Variants in IL7 observed in about 807,000 individuals in gnomAD.
The protein encoded by IL7 is interleukin-7.
A neutral mutation model predicts 21.6 loss-of-function variants in IL7; 3 were observed. The observed-to-expected ratio is 0.14, with a 90% CI of 0.06 to 0.36. IL7 has a LOEUF of 0.36. IL7 is among the 10% of genes least tolerant of loss of function. The probability of loss-of-function intolerance (pLI) is 1.00; values close to 1 mark genes in which losing one functional copy is unlikely to be tolerated. For synonymous variants in IL7, 62 were observed against 68.1 expected, an observed-to-expected ratio of 0.91 and a Z score of 0.44; for missense variants, 175 against 200.2, an observed-to-expected ratio of 0.87 and a Z score of 0.76.
intron 2 of IL7, among the ~76,000 whole-genome samples, chr8:78,797,390 A>G (rs190759946): frequency 6.6e-6 from 1 of 152,142 alleles, no homozygotes; most frequent in African/African-American, 2.4e-5. Context: ...TCCTAATGTT[A>G]ACTATGCACT....
chr8:78,718,203 C>T (rs544412136), intron 6 of IL7: 2 of 151,926 alleles, frequency 1.3e-5, no homozygotes, highest in East Asian at 3.9e-4. Context: ...TGTATGTATT[C>T]GTTGAACATA....
At chr8:78,749,533 G>T (rs1033074670) in intron 2 of IL7, among the ~76,000 whole-genome samples, 1 of 152,150 alleles carries the variant, frequency 6.6e-6, no homozygotes, top group Non-Finnish European at 1.5e-5. Flanking sequence ...CTGAAGCAGA[G>T]ATCCATGAGC....
intron 2 of IL7, among the ~76,000 whole-genome samples, chr8:78,775,337 A>G (rs1206353791): frequency 6.6e-6 from 1 of 152,066 alleles, no homozygotes; most frequent in Non-Finnish European, 1.5e-5. Context: ...ATACGTCACA[A>G]AATTATACAT....
At chr8:78,723,306 G>A (rs947204401) in intron 3 of IL7, among the ~76,000 whole-genome samples, 2 of 151,830 alleles carry the variant, frequency 1.3e-5, no homozygotes, top group Admixed American at 6.6e-5. Flanking sequence ...GTGTGACACT[G>A]TTTTAGGTGC....
At chr8:78,801,487 T>A (rs531133163) in intron 1 of IL7, among the ~76,000 whole-genome samples, 23 of 152,162 alleles carry the variant, frequency 1.5e-4, no homozygotes, top group African/African-American at 4.8e-4. Context: ...AGCCTGGAAG[T>A]CAAGGCTGCC....
At position 78,739,738 on chromosome 8, in the gene IL7, G is replaced by A. The variant is rs114272359; in HGVS notation, c.228+264C>T. On this transcript the variant is annotated intron_variant, in intron 3 of 5. Transcript: ENST00000263851. ...AAGAAAGAAAGAAAATAAGAGATAGGTGTGTCTTTGAATTCGACAATTCTA... is the reference window on the plus strand; with the variant it reads ...AAGAAAGAAAGAAAATAAGAGATAGATGTGTCTTTGAATTCGACAATTCTA... Among the ~76,000 whole-genome samples, 808 of 151,792 alleles carry A rather than the reference G, an allele frequency of 5.3e-3. 6 individuals are homozygous for A. The highest frequency in any genetic ancestry group is 0.019 in the African/African-American group (774 of 41,452).
chr8:78,792,792 G>A (rs1057294789), intron 2 of IL7, among the ~76,000 whole-genome samples: 1 of 152,068 alleles, frequency 6.6e-6, no homozygotes, highest in Non-Finnish European at 1.5e-5. Context: ...GCTTTGGTGA[G>A]AAAGTAGAAA....
At chr8:78,678,356 A>G (rs78308755) in intron 4 of IL7, among the ~76,000 whole-genome samples, 2,375 of 152,244 alleles carry the variant, frequency 0.016, 57 homozygotes, top group African/African-American at 0.055. Context: ...TTTTTTAGTG[A>G]GAAAGATAAC....
chr8:78,776,207 A>G (rs75788387), intron 2 of IL7, among the ~76,000 whole-genome samples: 58 of 152,166 alleles, frequency 3.8e-4, no homozygotes, highest in African/African-American at 1.4e-3. Context: ...GAACATAAGC[A>G]CTGAGATACC....
At chr8:78,716,955 A>G (rs912963004), downstream of IL7, among the ~76,000 whole-genome samples, 16 of 152,092 alleles carry the variant, frequency 1.1e-4, no homozygotes, top group African/African-American at 3.6e-4. Context: ...TCTGCTATGA[A>G]TAAGTTTCCT....
chr8:78,792,393 T>C (rs72666865), intron 2 of IL7, among the ~76,000 whole-genome samples: 16 of 152,150 alleles, frequency 1.1e-4, no homozygotes, highest in Non-Finnish European at 2.2e-4. Context: ...TTCTTTGATA[T>C]GAAAACAAAA....
intron 3 of IL7, among the ~76,000 whole-genome samples, chr8:78,692,226 A>G (rs1021373264): frequency 2.0e-5 from 3 of 152,100 alleles, no homozygotes; most frequent in African/African-American, 7.2e-5. Flanking sequence ...TGGTACTACC[A>G]TTCAGTTCTC....
chr8:78,682,085 T>C (rs1258342500), intron 4 of IL7, among the ~76,000 whole-genome samples: 1 of 152,076 alleles, frequency 6.6e-6, no homozygotes, highest in Non-Finnish European at 1.5e-5. Flanking sequence ...ATTCAACACA[T>C]AATTCTTGAT....
intron 2 of IL7, among the ~76,000 whole-genome samples, chr8:78,765,715 C>T (rs1483783675): frequency 6.6e-6 from 1 of 152,080 alleles, no homozygotes; most frequent in Non-Finnish European, 1.5e-5. Flanking sequence ...AAAAAGAATT[C>T]TCATTCATTG....
chr8:78,691,643 A>C (rs910533616), intron 3 of IL7, among the ~76,000 whole-genome samples: 2 of 152,064 alleles, frequency 1.3e-5, no homozygotes, highest in African/African-American at 4.8e-5. Context: ...TTAAAAATTC[A>C]CCATTTCTTT....
At chr8:78,799,102 T>A (rs1223637679) in intron 1 of IL7, among the ~76,000 whole-genome samples, 3 of 152,158 alleles carry the variant, frequency 2.0e-5, no homozygotes, top group African/African-American at 7.2e-5. Context: ...CCTGCCATAG[T>A]GTCTTATTTG....
chr8:78,743,193 T>C (rs1300848622), intron 2 of IL7, among the ~76,000 whole-genome samples: 4 of 152,246 alleles, frequency 2.6e-5, no homozygotes, highest in Admixed American at 2.6e-4. Flanking sequence ...AGTGCTGCAA[T>C]GAACATACAT....
rs144846240 is a variant in IL7, at chr8:78,717,944, G to A, written n.677C>T. 873 of 152,506 alleles carry A rather than the reference G, an allele frequency of 5.7e-3. 8 individuals are homozygous for A. The highest frequency in any genetic ancestry group is 0.02 in the African/African-American group (817 of 41,466). The allele number at this position is 152,506 out of a possible 1,614,324, so 9.4% of individuals were successfully genotyped here. On this transcript the variant is annotated non_coding_transcript_exon_variant, in exon 7 of 7. Transcript: ENST00000519833. ...TAGTATCATAGTAGGATAGATGCTG[G>A]GAATTTTGTAATTAAAGAGAACAGT...
At chr8:78,750,084 G>A (rs1812115399) in intron 2 of IL7, among the ~76,000 whole-genome samples, 1 of 152,024 alleles carries the variant, frequency 6.6e-6, no homozygotes, top group African/African-American at 2.4e-5. Context: ...CTCCTTTAAA[G>A]GGCCTAAACT....
Sources: gnomAD v4.1 joint callset for allele counts (sites outside exome capture counted in the v4.1 genomes callset) on GRCh38, gnomAD v4.1.1 for gene constraint, MANE v1.5 for transcripts, NCBI Gene and HGNC (gene_info 2026-07-23, HGNC 2026-07-21) for gene names.